Variants in RNF144A observed in about 807,000 individuals in gnomAD.
The protein encoded by RNF144A is ring finger protein 144A.
In RNF144A, 11 loss-of-function variants were observed where a neutral mutation model predicts 38.7. The observed-to-expected ratio is 0.28, with a 90% CI of 0.18 to 0.47. The LOEUF is 0.47. Among genes scored for constraint, RNF144A ranks in the 20% least tolerant of loss-of-function variants. The pLI is 0.99. For missense variants in RNF144A, 316 were observed against 377.2 expected (o/e 0.84, Z 1.34); for synonymous variants, 149 against 143.9 (o/e 1.04, Z -0.25).
At chr2:7,045,706 C>T (rs1673280549), downstream of RNF144A, among the ~76,000 whole-genome samples, 2 of 152,212 alleles carry the variant, frequency 1.3e-5, no homozygotes, top group Non-Finnish European at 2.9e-5. Flanking sequence ...GGAAACACAA[C>T]TCACCTCCAT....
chr2:6,960,568 C>T (rs922829821), intron 2 of RNF144A, among the ~76,000 whole-genome samples: 1 of 152,180 alleles, frequency 6.6e-6, no homozygotes, highest in Non-Finnish European at 1.5e-5. Context: ...AGAAATTAAT[C>T]ACGACTCGGA....
chr2:6,959,066 C>G lies in RNF144A; in HGVS notation c.-12+17919C>G, dbSNP rs1667179062. Among the ~76,000 whole-genome samples the G allele has an allele frequency of 2.6e-5, 4 of 152,342 alleles. No homozygotes were observed. In the South Asian group the frequency reaches 8.3e-4, roughly 32 times the overall value. ...ACGTGATGCTCCTGGCGAAGCACCT[C>G]ATTGACTCATTCCAAATAAACTCCC... On this transcript the variant is annotated intron_variant, in intron 2 of 8. Transcript: ENST00000320892.
Position 7,043,208 on chromosome 2 carries a change from A to G in RNF144A, c.*3448A>G, listed in dbSNP as rs985436690. On this transcript the variant is annotated 3_prime_UTR_variant, in exon 9 of 9. Coordinates refer to ENST00000320892, the MANE Select transcript of RNF144A (RefSeq NM_014746.6). Reference sequence around the variant, plus strand: ...GAACAAATGATCTTGACAACATATTATTCCATAAAACCAGTTTAGGGCACA... The same window carrying G: ...GAACAAATGATCTTGACAACATATTGTTCCATAAAACCAGTTTAGGGCACA... 1.0e-6 allele frequency: 1 copy of G among 985,282 alleles called. No homozygotes were observed. Among genetic ancestry groups the G allele is most frequent in the Admixed American group, 6.1e-5 (1 of 16,268 alleles). 61.0% of individuals were successfully genotyped at this position (985,282 alleles called of 1,614,324 possible).
intron 2 of RNF144A, among the ~76,000 whole-genome samples, chr2:6,989,643 T>C (rs1186630116): frequency 6.6e-6 from 1 of 152,212 alleles, no homozygotes; most frequent in African/African-American, 2.4e-5. Context: ...TGTAAAGTTC[T>C]GTTTTATGGG....
At chr2:7,010,749 C>T (rs1670743512) in intron 3 of RNF144A, among the ~76,000 whole-genome samples, 1 of 152,052 alleles carries the variant, frequency 6.6e-6, no homozygotes, top group Admixed American at 6.6e-5. Flanking sequence ...TGCCTTTGAC[C>T]CTCTGGCCAA....
At chr2:6,935,246 A>G (rs1665494787) in intron 1 of RNF144A, among the ~76,000 whole-genome samples, 1 of 152,198 alleles carries the variant, frequency 6.6e-6, no homozygotes, top group Admixed American at 6.5e-5. Context: ...GGGCCATTTC[A>G]AAACTAGATC....
rs1175181885 is a variant in RNF144A at position 7,044,105 on chromosome 2, C to T, written c.*4345C>T. ...CATATTTTAAATGTATTGTGTCTTA[C>T]GTAGTTTGTCCCCCCCTTTAGCAGG... On this transcript the variant is annotated 3_prime_UTR_variant, in exon 9 of 9. Transcript: ENST00000320892. 1.1e-5 allele frequency: 11 copies of T among 985,620 alleles called. No homozygotes were observed. The Middle Eastern group carries it at 1.6e-3, about 140-fold the overall frequency. 61.1% of individuals were successfully genotyped at this position (985,620 alleles called of 1,614,324 possible).
Position 6,997,976 on chromosome 2 carries a change from G to C in RNF144A, c.135+915G>C, listed in dbSNP as rs557114279. ...CACACACAAATTGGTAACTCTGTGA[G>C]ATGATGGATATTTAATTAGCTTGAT... On this transcript the variant is annotated intron_variant, in intron 3 of 8. Transcript: ENST00000320892. Among the ~76,000 whole-genome samples, 8 of 152,284 alleles carry C rather than the reference G, an allele frequency of 5.3e-5. No homozygotes were observed. The South Asian group carries it at 1.7e-3, about 32-fold the overall frequency.
rs1331791149 is a variant in RNF144A, at chr2:6,944,875, C to T, written c.-12+3728C>T. On this transcript the variant is annotated intron_variant, in intron 2 of 8. Transcript: ENST00000320892. The surrounding 1 kb of genome is among the most constrained non-coding windows in gnomAD (Gnocchi z 4.7). ...GCCAAAATACTAGAAAATGACATTC[C>T]AGCACGAGCAAAGATTTTTTAAATG... 6.6e-6 allele frequency among the ~76,000 whole-genome samples: 1 copy of T among 152,184 alleles called. No individual in the cohort carries two copies. Among genetic ancestry groups the T allele is most frequent in the East Asian group, 1.9e-4 (1 of 5,198 alleles).
intron 6 of RNF144A, among the ~76,000 whole-genome samples, chr2:7,053,358 C>T (rs1163955265): frequency 6.6e-6 from 1 of 152,172 alleles, no homozygotes; most frequent in East Asian, 1.9e-4. Context: ...AATGTAGTAC[C>T]TTTAAATATG....
At chr2:7,016,553 T>TA (rs35948851) in intron 5 of RNF144A, among the ~76,000 whole-genome samples, 44,961 of 146,864 alleles carry the variant, frequency 0.31, 7,092 homozygotes, top group Non-Finnish European at 0.35. Context: ...TGGCTTCTGT[T>TA]AAAAAAAAAA....
chr2:7,018,416 T>C (rs973334100), intron 5 of RNF144A, among the ~76,000 whole-genome samples: 3 of 152,086 alleles, frequency 2.0e-5, no homozygotes, highest in African/African-American at 7.2e-5. Context: ...GGCAGAGAGT[T>C]GTCGGAGGCA....
intron 1 of RNF144A, among the ~76,000 whole-genome samples, chr2:6,920,380 A>T (rs988038293): frequency 1.3e-5 from 2 of 152,230 alleles, no homozygotes; most frequent in African/African-American, 4.8e-5. Flanking sequence ...CCCAGGCCAC[A>T]TGAAAAGCTG....
rs143396119 is a variant in RNF144A at position 6,989,768 on chromosome 2, G to GC, written c.-11-7142dup. 4.8e-3 allele frequency among the ~76,000 whole-genome samples: 735 copies of GC among 151,862 alleles called. 5 individuals are homozygous for GC. Among genetic ancestry groups the GC allele is most frequent in the African/African-American group, 0.017 (695 of 41,352 alleles). On this transcript the variant is annotated intron_variant, in intron 2 of 8. Coordinates refer to ENST00000320892, the MANE Select transcript of RNF144A (RefSeq NM_014746.6). Reference sequence around the variant, plus strand: ...TCAAGCCTCCTCTGCTCTCCCAGCCGCCCCCCTCCAAGCTACCAGTAACCA... The same window carrying GC: ...TCAAGCCTCCTCTGCTCTCCCAGCCGCCCCCCCTCCAAGCTACCAGTAACCA...
intron 2 of RNF144A, among the ~76,000 whole-genome samples, chr2:6,975,522 A>G (rs142908490): frequency 7.4e-4 from 112 of 152,316 alleles, no homozygotes; most frequent in Non-Finnish European, 1.1e-3. Context: ...AACTCCTTCA[A>G]TGAAAATCTT....
chr2:6,972,997 A>G (rs1668089423), intron 2 of RNF144A, among the ~76,000 whole-genome samples: 1 of 152,220 alleles, frequency 6.6e-6, no homozygotes. Context: ...GGCTCTTGAC[A>G]TTTACTAACT....
chr2:6,937,719 G>A (rs1197187585), intron 1 of RNF144A, among the ~76,000 whole-genome samples: 2 of 152,198 alleles, frequency 1.3e-5, no homozygotes, highest in East Asian at 3.8e-4. Flanking sequence ...TTCTGGAGGG[G>A]AGAGGCTTGC....
rs1672961644 is a variant in RNF144A at position 7,040,185 on chromosome 2, G to A, written c.*425G>A. On this transcript the variant is annotated 3_prime_UTR_variant, in exon 9 of 9. Coordinates refer to ENST00000320892, the MANE Select transcript of RNF144A (RefSeq NM_014746.6). ...AGAATCTGATTATTCCAGCTTGAGAGAAGCACTCTGTTTATGACAACTGTT... is the reference window on the plus strand; with the variant it reads ...AGAATCTGATTATTCCAGCTTGAGAAAAGCACTCTGTTTATGACAACTGTT... 6 of 990,226 alleles carry A rather than the reference G, an allele frequency of 6.1e-6. No individual in the cohort carries two copies. The highest frequency in any genetic ancestry group is 6.0e-6 in the Non-Finnish European group (5 of 833,312). 61.3% of individuals were successfully genotyped at this position (990,226 alleles called of 1,614,324 possible).
intron 6 of RNF144A, among the ~76,000 whole-genome samples, chr2:7,023,177 T>G (rs968696156): frequency 1.3e-5 from 2 of 152,230 alleles, no homozygotes; most frequent in African/African-American, 2.4e-5. Flanking sequence ...GAGGACATAC[T>G]GCTTCTCTCA....
Sources: allele counts gnomAD v4.1 joint callset (sites outside exome capture counted in the v4.1 genomes callset), GRCh38; gene constraint gnomAD v4.1.1; non-coding constraint Gnocchi (gnomAD v3.1); transcripts MANE v1.5; gene names NCBI Gene and HGNC (gene_info 2026-07-23, HGNC 2026-07-21).